The following EFEMP1 variants were observed in gnomAD, a reference collection of about 807,000 sequenced individuals.
EFEMP1 encodes EGF-containing fibulin-like extracellular matrix protein 1.
A neutral mutation model predicts 65.7 loss-of-function variants in EFEMP1; 18 were observed. That is an observed-to-expected ratio of 0.27 (90% CI 0.19 to 0.41). The LOEUF (loss-of-function observed/expected upper bound fraction) is 0.41. Among genes scored for constraint, EFEMP1 ranks in the 10% least tolerant of loss-of-function variants. The pLI, the probability that EFEMP1 is intolerant of heterozygous loss-of-function variation, is 1.00. For missense variants in EFEMP1, 469 were observed against 624.8 expected, an observed-to-expected ratio of 0.75 and a Z score of 2.66; for synonymous variants, 237 against 219.7, an observed-to-expected ratio of 1.08 and a Z score of -0.70.
intron 5 of EFEMP1, among the ~76,000 whole-genome samples, chr2:55,908,769 G>C (rs185295294): frequency 9.6e-4 from 146 of 151,974 alleles, no homozygotes; most frequent in Non-Finnish European, 1.3e-4. Context: ...CTGACCTCAA[G>C]TATCATAAAT....
Position 55,870,600 on chromosome 2 carries a change from A to T in EFEMP1, c.1320+120T>A. On this transcript the variant is annotated intron_variant, in intron 11 of 11. Coordinates refer to ENST00000355426, the MANE Select transcript of EFEMP1 (RefSeq NM_001039348.3). The surrounding 1 kb of genome is among the most constrained non-coding windows in gnomAD (Gnocchi z 5.8). ...AAGGCCTTACACAATGCCTACACAT[A>T]AGACACTTTAAATGTTTGCTTTCCT... 8.0e-7 allele frequency: 1 copy of T among 1,245,284 alleles called. No homozygotes were observed. Among genetic ancestry groups the T allele is most frequent in the Non-Finnish European group, 1.2e-6 (1 of 864,112 alleles). 77.1% of individuals were successfully genotyped at this position (1,245,284 alleles called of 1,614,324 possible). A position where few individuals can be genotyped will look rare whatever the true frequency, so the allele number is the denominator to read the frequency against.
rs1165233909 is a variant in EFEMP1, at chr2:55,919,583, T to G, written c.82-1316A>C. On this transcript the variant is annotated intron_variant, in intron 3 of 11. Transcript: ENST00000355426. This position sits in a 1 kb window ranked among gnomAD's most constrained non-coding sequence, Gnocchi z 4.5. ...TGTAAGGAAGAAGCCCAAGGAAGGA[T>G]TGAGCAAAAGTGGAGTAAACAAACA... Among the ~76,000 whole-genome samples, 1 of 152,200 alleles carries G rather than the reference T, an allele frequency of 6.6e-6. No homozygotes were observed. The highest frequency in any genetic ancestry group is 2.4e-5 in the African/African-American group (1 of 41,442).
rs1265665632 is a variant in EFEMP1, at chr2:55,870,733, T to G, written c.1307A>C (p.Glu436Ala). Reference sequence around the variant, plus strand: ...CAGGATACTTACTCGTAGGTAGAACTCTCCATTTTCATTTCCAGATTTAAT... The same window carrying G: ...CAGGATACTTACTCGTAGGTAGAACGCTCCATTTTCATTTCCAGATTTAAT... ...FRIKSGNENG[E>A]FYLRQTSPVS... is the part of the protein sequence containing the mutation. The change falls in exon 11 of 12, where the codon GAG becomes GCG. Residue 436 changes from glutamate (E) to alanine (A), a missense_variant. Glu to Ala is a moderately radical substitution (Grantham distance 107). Coordinates refer to ENST00000355426, the MANE Select transcript of EFEMP1 (RefSeq NM_001039348.3). This position sits in a 1 kb window ranked among gnomAD's most constrained non-coding sequence, Gnocchi z 5.8. The G allele has an allele frequency of 6.2e-7, 1 of 1,613,690 alleles. No individual in the cohort carries two copies. The highest frequency in any genetic ancestry group is 8.5e-7 in the Non-Finnish European group (1 of 1,179,708).
At chr2:55,906,877 T>G (rs956372313) in intron 5 of EFEMP1, among the ~76,000 whole-genome samples, 1 of 152,222 alleles carries the variant, frequency 6.6e-6, no homozygotes, top group African/African-American at 2.4e-5. Context: ...AAATAGTGGG[T>G]CAGGATGAAA....
chr2:55,922,236 G>C lies in EFEMP1; in HGVS notation c.81+124C>G, dbSNP rs1670928611. 2 of 886,484 alleles carry C rather than the reference G, an allele frequency of 2.3e-6. No individual in the cohort carries two copies. Among genetic ancestry groups the C allele is most frequent in the Non-Finnish European group, 3.7e-6 (2 of 537,954 alleles). 54.9% of individuals were successfully genotyped at this position (886,484 alleles called of 1,614,324 possible). A position where few individuals can be genotyped will look rare whatever the true frequency, so the allele number is the denominator to read the frequency against. ...ATCTTAGATATGAAGCATGAATGAA[G>C]TGTTGTTTAATTTATCACCCTCAGC... On this transcript the variant is annotated intron_variant, in intron 3 of 11. Coordinates refer to ENST00000355426, the MANE Select transcript of EFEMP1 (RefSeq NM_001039348.3). The surrounding 1 kb of genome is among the most constrained non-coding windows in gnomAD (Gnocchi z 5.5).
chr2:55,918,284 A>C lies in EFEMP1; in HGVS notation c.82-17T>G, dbSNP rs1254987275. 6.2e-7 allele frequency: 1 copy of C among 1,614,170 alleles called. No homozygotes were observed. ...AGTGCATTGCTGTGAAGAAAACATC[A>C]AAGGTGGGGCCAGGAGACAGTTAAT... On this transcript the variant is annotated splice_polypyrimidine_tract_variant and intron_variant, in intron 3 of 11. Coordinates refer to ENST00000355426, the MANE Select transcript of EFEMP1 (RefSeq NM_001039348.3).
intron 5 of EFEMP1, among the ~76,000 whole-genome samples, chr2:55,912,143 A>G (rs1670502273): frequency 6.6e-6 from 1 of 152,182 alleles, no homozygotes; most frequent in South Asian, 2.1e-4. Context: ...CTTACTGCTT[A>G]AAGTACTTTT....
chr2:55,920,666 AC>A (rs1343516602), intron 3 of EFEMP1, among the ~76,000 whole-genome samples: 6 of 152,228 alleles, frequency 3.9e-5, no homozygotes, highest in African/African-American at 1.4e-4. Context: ...ATGTCAGTGT[AC>A]TATTAAGTAA....
At position 55,871,053 on chromosome 2, in the gene EFEMP1, G is replaced by A. The variant is rs753001473; in HGVS notation, c.1071C>T (p.Phe357=). The A allele has an allele frequency of 3.1e-6, 5 of 1,613,682 alleles. No individual in the cohort carries two copies. In the South Asian group the frequency reaches 5.5e-5, roughly 18 times the overall value. Residue 357 remains phenylalanine, a synonymous_variant, in exon 10 of 12, where the codon TTC becomes TTT. Transcript: ENST00000355426. This position sits in a 1 kb window ranked among gnomAD's most constrained non-coding sequence, Gnocchi z 4.2. ...DEMCWNYHGG[F]RCYPRNPCQD... ...GACAAGGATTTCGTGGATAACAACG[G>A]AAGCCGCCATGATAATTCCAACACA...
At position 55,871,385 on chromosome 2, in the gene EFEMP1, C is replaced by T. The variant is rs1415149386; in HGVS notation, c.1001-262G>A. On this transcript the variant is annotated intron_variant, in intron 9 of 11. Transcript: ENST00000355426. The surrounding 1 kb of genome is among the most constrained non-coding windows in gnomAD (Gnocchi z 4.2). ...TTGTTCATCTGTTGAATTCAAACCC[C>T]AATGTTAACCACTGACTCTGCCTAT... is the stretch of plus-strand genomic sequence containing the variant. Among the ~76,000 whole-genome samples, 1 of 152,086 alleles carries T rather than the reference C, an allele frequency of 6.6e-6. No homozygotes were observed. The highest frequency in any genetic ancestry group is 1.5e-5 in the Non-Finnish European group (1 of 68,002).
In EFEMP1 at chr2:55,889,993, T is replaced by C. The variant is rs189779810; in HGVS notation, c.518-8259A>G. 1.7e-3 allele frequency among the ~76,000 whole-genome samples: 253 copies of C among 152,162 alleles called. 1 individual carries two copies. The highest frequency in any genetic ancestry group is 2.0e-3 in the Non-Finnish European group (133 of 67,964). On this transcript the variant is annotated intron_variant, in intron 5 of 11. Coordinates refer to ENST00000355426, the MANE Select transcript of EFEMP1 (RefSeq NM_001039348.3). ...TTTTAAACCTAAACATATCAGTGGT[T>C]ATAGTAAATGTAAATGGACTAAATG...
intron 5 of EFEMP1, among the ~76,000 whole-genome samples, chr2:55,906,416 G>C (rs1670278921): frequency 6.6e-6 from 1 of 152,036 alleles, no homozygotes; most frequent in Non-Finnish European, 1.5e-5. Flanking sequence ...TAGGGACGGG[G>C]TTTCACCATG....
chr2:55,918,503 T>C (rs1670794509), intron 3 of EFEMP1, among the ~76,000 whole-genome samples: 1 of 152,164 alleles, frequency 6.6e-6, no homozygotes, highest in Admixed American at 6.5e-5. Flanking sequence ...TCTTCTGTTC[T>C]TTTTGGTACA....
intron 3 of EFEMP1, among the ~76,000 whole-genome samples, chr2:55,918,980 T>C (rs1179478301): frequency 2.6e-5 from 4 of 152,124 alleles, no homozygotes. Flanking sequence ...AGATGGCAGG[T>C]GCCTTCTACA....
Position 55,917,948 on chromosome 2 carries a change from A to T in EFEMP1, c.234T>A (p.Ile78=), listed in dbSNP as rs202147132. 5.0e-6 allele frequency: 8 copies of T among 1,614,070 alleles called. No individual in the cohort carries two copies. The highest frequency in any genetic ancestry group is 6.8e-6 in the Non-Finnish European group (8 of 1,180,052). The part of the protein sequence containing the change: ...YLCLPKTAQI[I]VNNEQPQQET... ...CCTGCTGAGGCTGTTCATTATTGACAATAATCTGGGCTGTTTTCGGAAGGC... is the reference window on the plus strand; with the variant it reads ...CCTGCTGAGGCTGTTCATTATTGACTATAATCTGGGCTGTTTTCGGAAGGC... Residue 78 remains isoleucine, a synonymous_variant, in exon 5 of 12, where the codon ATT becomes ATA. Coordinates refer to ENST00000355426, the MANE Select transcript of EFEMP1 (RefSeq NM_001039348.3). The surrounding 1 kb of genome is among the most constrained non-coding windows in gnomAD (Gnocchi z 6.3).
At chr2:55,914,116 AT>A (rs1670586351) in intron 5 of EFEMP1, among the ~76,000 whole-genome samples, 2 of 152,218 alleles carry the variant, frequency 1.3e-5, no homozygotes, top group Non-Finnish European at 2.9e-5. Context: ...TTTGGTGTAG[AT>A]GAGTATCTGT....
chr2:55,874,893 C>T (rs1294945140), intron 9 of EFEMP1, 53 bp downstream of exon 9: 2 of 1,554,602 alleles, frequency 1.3e-6, no homozygotes, highest in Non-Finnish European at 1.8e-6. Flanking sequence ...TTCCTCTTGT[C>T]TCTTCCTGGC....
chr2:55,905,235 G>A (rs569586933), intron 5 of EFEMP1, among the ~76,000 whole-genome samples: 2 of 152,100 alleles, frequency 1.3e-5, no homozygotes, highest in East Asian at 1.9e-4. Context: ...TGGAGAAAAT[G>A]AAAAATACCA....
At chr2:55,876,284 G>C (rs2104382338) in intron 8 of EFEMP1, among the ~76,000 whole-genome samples, 1 of 152,210 alleles carries the variant, frequency 6.6e-6, no homozygotes, top group Non-Finnish European at 1.5e-5. Flanking sequence ...AGACTCAGGA[G>C]GTCTGGGTTG....
Sources: allele counts gnomAD v4.1 joint callset (sites outside exome capture counted in the v4.1 genomes callset), GRCh38; gene constraint gnomAD v4.1.1; non-coding constraint Gnocchi (gnomAD v3.1); transcripts MANE v1.5; gene names NCBI Gene and HGNC (gene_info 2026-07-23, HGNC 2026-07-21).